The following PDE4D variants were observed in gnomAD, a reference collection of about 807,000 sequenced individuals.
PDE4D encodes phosphodiesterase 4D, also known as 3',5'-cyclic-AMP phosphodiesterase 4D.
In PDE4D, 24 loss-of-function variants were observed where a neutral mutation model predicts 87.4. That is an observed-to-expected ratio of 0.27 (90% CI 0.20 to 0.39). PDE4D has a LOEUF of 0.39. PDE4D is among the 10% of genes least tolerant of loss of function. The probability of loss-of-function intolerance (pLI) is 1.00; values close to 1 mark genes in which losing one functional copy is unlikely to be tolerated. For missense variants in PDE4D, 714 were observed against 1,041.0 expected (o/e 0.69, Z 4.32); for synonymous variants, 384 against 383.2 (o/e 1.00, Z -0.02).
intron 2 of PDE4D, among the ~76,000 whole-genome samples, chr5:60,036,258 T>C (rs760640321): frequency 1.4e-4 from 21 of 152,240 alleles, no homozygotes; most frequent in Admixed American, 3.9e-4. Context: ...TCAAATAATG[T>C]CCTAAAGCTC....
At chr5:59,784,907 G>GTTT (rs151144782) in intron 1 of PDE4D, among the ~76,000 whole-genome samples, 18 of 152,094 alleles carry the variant, frequency 1.2e-4, no homozygotes, top group African/African-American at 3.1e-4. Flanking sequence ...CTTTTTCATG[G>GTTT]TTTTTCTCTC....
At chr5:59,029,459 C>A (rs1580391963) in intron 6 of PDE4D, among the ~76,000 whole-genome samples, 1 of 138,388 alleles carries the variant, frequency 7.2e-6, no homozygotes, top group Admixed American at 7.3e-5. Context: ...ATCTAACCAA[C>A]AAGGTGAAAG....
rs535488668 is a variant in PDE4D, at chr5:59,115,316, T to C, written c.808+65279A>G. ...CAGTGTTTCCAAAGATGGGTTGAGC[T>C]TATTGCCCCTTTCAAAAAGGCCCCA... On this transcript the variant is annotated intron_variant, in intron 5 of 14. Coordinates refer to ENST00000340635, the MANE Select transcript of PDE4D (RefSeq NM_001104631.2). Among the ~76,000 whole-genome samples the C allele has an allele frequency of 9.8e-5, 15 of 152,308 alleles. No individual in the cohort carries two copies. In the South Asian group the frequency reaches 1.4e-3, roughly 15 times the overall value.
chr5:59,701,697 C>G (rs920951530), intron 1 of PDE4D, among the ~76,000 whole-genome samples: 7 of 152,264 alleles, frequency 4.6e-5, no homozygotes, highest in Non-Finnish European at 8.8e-5. Flanking sequence ...AGGAGCAACA[C>G]AGAGGTGAGG....
chr5:59,707,110 A>G (rs989688101), intron 1 of PDE4D, among the ~76,000 whole-genome samples: 2 of 152,170 alleles, frequency 1.3e-5, no homozygotes, highest in African/African-American at 4.8e-5. Context: ...TGTTACAGTT[A>G]GTAACATTAT....
intron 1 of PDE4D, among the ~76,000 whole-genome samples, chr5:59,384,100 C>T (rs947386377): frequency 2.1e-4 from 32 of 151,944 alleles, no homozygotes; most frequent in African/African-American, 7.0e-4. Context: ...GAGACGGTGT[C>T]TTGCCAAGTT....
intron 6 of PDE4D, among the ~76,000 whole-genome samples, chr5:59,031,273 T>C (rs934632301): frequency 2.0e-5 from 3 of 151,050 alleles, no homozygotes; most frequent in Non-Finnish European, 4.4e-5. Flanking sequence ...AAAAGATATT[T>C]GCACTCCCAT....
intron 1 of PDE4D, among the ~76,000 whole-genome samples, chr5:59,721,218 A>G (rs1446897863): frequency 1.3e-5 from 2 of 152,136 alleles, no homozygotes; most frequent in Non-Finnish European, 1.5e-5. Flanking sequence ...ACATCATTAA[A>G]CTTGGAGTTT....
chr5:59,119,037 T>A (rs1284941986), intron 5 of PDE4D, among the ~76,000 whole-genome samples: 1 of 152,176 alleles, frequency 6.6e-6, no homozygotes, highest in African/African-American at 2.4e-5. Flanking sequence ...GAGAATTGTA[T>A]AAACTGGCGT....
At chr5:60,342,684 G>A (rs1171798793) in intron 1 of PDE4D, among the ~76,000 whole-genome samples, 3 of 126,120 alleles carry the variant, frequency 2.4e-5, no homozygotes, top group South Asian at 2.9e-4. Flanking sequence ...TAGGATAATC[G>A]GAAAACCAAT....
At chr5:59,296,471 T>A (rs1769121710) in intron 1 of PDE4D, among the ~76,000 whole-genome samples, 1 of 151,908 alleles carries the variant, frequency 6.6e-6, no homozygotes, top group South Asian at 2.1e-4. Flanking sequence ...AAAGTCTGAG[T>A]GACTAGTAGA....
At chr5:59,445,651 C>T (rs1244826225) in intron 1 of PDE4D, among the ~76,000 whole-genome samples, 1 of 152,134 alleles carries the variant, frequency 6.6e-6, no homozygotes, top group East Asian at 1.9e-4. Context: ...TTTCCGGCAA[C>T]TTGTAAGCAT....
At chr5:60,137,638 G>T (rs13436863) in intron 2 of PDE4D, among the ~76,000 whole-genome samples, 76,952 of 151,704 alleles carry the variant, frequency 0.51, 19,883 homozygotes, top group Admixed American at 0.55. Context: ...TAATGGGGTT[G>T]TATTTTTCTT....
intron 5 of PDE4D, among the ~76,000 whole-genome samples, chr5:59,112,787 C>T (rs1320911099): frequency 4.8e-5 from 7 of 144,762 alleles, no homozygotes; most frequent in African/African-American, 1.8e-4. Context: ...TTTTCTTTTT[C>T]TCTTCCTTTT....
intron 1 of PDE4D, among the ~76,000 whole-genome samples, chr5:59,530,875 T>TAA (rs773266372): frequency 1.7e-4 from 26 of 152,246 alleles, no homozygotes; most frequent in Admixed American, 2.6e-4. Flanking sequence ...TGAAGGGGTA[T>TAA]AAGCTGTTGG....
intron 1 of PDE4D, among the ~76,000 whole-genome samples, chr5:60,411,074 T>C (rs967490838): frequency 3.3e-5 from 5 of 152,188 alleles, no homozygotes; most frequent in Non-Finnish European, 7.3e-5. Context: ...TGACTGGCCC[T>C]AGAGAATGGG....
At chr5:59,917,662 G>T (rs1264135812) in intron 3 of PDE4D, among the ~76,000 whole-genome samples, 2 of 152,000 alleles carry the variant, frequency 1.3e-5, no homozygotes, top group Admixed American at 6.6e-5. Context: ...TATGTGACTT[G>T]GTTGCTCTTG....
intron 6 of PDE4D, among the ~76,000 whole-genome samples, chr5:59,005,924 T>G (rs1751513152): frequency 6.6e-6 from 1 of 152,226 alleles, no homozygotes; most frequent in Non-Finnish European, 1.5e-5. Flanking sequence ...TCAATCTTTT[T>G]GCTAACTTTA....
intron 2 of PDE4D, among the ~76,000 whole-genome samples, chr5:60,049,299 C>A (rs564757312): frequency 9.9e-5 from 15 of 152,216 alleles, no homozygotes; most frequent in African/African-American, 3.4e-4. Flanking sequence ...AACTTCTTTA[C>A]CTTTGGTTTG....
Sources: allele counts gnomAD v4.1 joint callset (sites outside exome capture counted in the v4.1 genomes callset), GRCh38; gene constraint gnomAD v4.1.1; transcripts MANE v1.5; gene names NCBI Gene and HGNC (gene_info 2026-07-23, HGNC 2026-07-21).